The following CDK6 variants were observed in gnomAD, a reference collection of about 807,000 sequenced individuals.
The protein encoded by CDK6 is cyclin-dependent kinase 6.
Under a neutral mutation model 37.1 loss-of-function variants are expected in CDK6, and 6 were observed. The ratio of observed to expected loss-of-function variants is 0.16; its 90% CI spans 0.09 to 0.32. The LOEUF is 0.32. Among genes scored for constraint, CDK6 ranks in the 10% least tolerant of loss-of-function variants. The probability of loss-of-function intolerance (pLI) is 1.00; values close to 1 mark genes in which losing one functional copy is unlikely to be tolerated. For synonymous variants in CDK6, 160 were observed against 161.3 expected (o/e 0.99, Z 0.06); for missense variants, 224 against 418.9 (o/e 0.53, Z 4.06).
intron 5 of CDK6, among the ~76,000 whole-genome samples, chr7:92,623,642 T>C (rs1227593819): frequency 1.3e-5 from 2 of 152,170 alleles, no homozygotes; most frequent in East Asian, 3.8e-4. Context: ...ATCTTAACTC[T>C]GGGCTTTAGA....
chr7:92,619,951 T>C (rs944815814), intron 6 of CDK6, among the ~76,000 whole-genome samples: 3 of 152,262 alleles, frequency 2.0e-5, no homozygotes, highest in South Asian at 2.1e-4. Flanking sequence ...CTGGATACAA[T>C]GGGACAGGGC....
Position 92,834,972 on chromosome 7 carries a change from A to T in CDK6, c.-367-1282T>A, listed in dbSNP as rs548965470. 6.6e-6 allele frequency: 1 copy of T among 152,268 alleles called. No individual in the cohort carries two copies. Among genetic ancestry groups the T allele is most frequent in the Non-Finnish European group, 1.5e-5 (1 of 68,082 alleles). The allele number at this position is 152,268 out of a possible 1,614,324, so 9.4% of individuals were successfully genotyped here. ...CCTCCAGGGCCGCCGCGGCCTCGGCAGGACTTTCACCACGACGGCCGCATG... is the reference window on the plus strand; with the variant it reads ...CCTCCAGGGCCGCCGCGGCCTCGGCTGGACTTTCACCACGACGGCCGCATG... On this transcript the variant is annotated intron_variant, in intron 1 of 7. Coordinates refer to ENST00000424848, the MANE Select transcript of CDK6 (RefSeq NM_001145306.2). The surrounding 1 kb of genome is among the most constrained non-coding windows in gnomAD (Gnocchi z 4.6).
intron 4 of CDK6, among the ~76,000 whole-genome samples, chr7:92,673,449 G>C (rs1423709521): frequency 6.6e-6 from 1 of 152,168 alleles, no homozygotes; most frequent in African/African-American, 2.4e-5. Context: ...AGGGATGGTT[G>C]TGATATAATA....
At chr7:92,790,638 C>T (rs1008528283) in intron 2 of CDK6, among the ~76,000 whole-genome samples, 8 of 152,046 alleles carry the variant, frequency 5.3e-5, no homozygotes, top group African/African-American at 1.2e-4. Context: ...TGTATGTCTG[C>T]GGTATACACA....
chr7:92,646,049 A>G (rs772957279), intron 5 of CDK6, among the ~76,000 whole-genome samples: 3 of 152,228 alleles, frequency 2.0e-5, no homozygotes, highest in African/African-American at 4.8e-5. Flanking sequence ...GAATGAATGC[A>G]CTGCTATTTT....
intron 2 of CDK6, among the ~76,000 whole-genome samples, chr7:92,781,803 TCG>T (rs1328980748): frequency 1.3e-5 from 2 of 152,210 alleles, no homozygotes; most frequent in East Asian, 3.9e-4. Context: ...GTATTTGGAA[TCG>T]AGAAGAATTT....
chr7:92,692,091 A>C (rs964581012), intron 4 of CDK6, among the ~76,000 whole-genome samples: 2 of 152,024 alleles, frequency 1.3e-5, no homozygotes, highest in Non-Finnish European at 2.9e-5. Flanking sequence ...AACATGGGGA[A>C]ACTCCATCTC....
intron 3 of CDK6, among the ~76,000 whole-genome samples, chr7:92,751,592 T>C (rs1799189301): frequency 6.6e-6 from 1 of 152,200 alleles, no homozygotes; most frequent in Admixed American, 6.5e-5. Context: ...TTATTAACTT[T>C]TTGCAAATAA....
In CDK6 at chr7:92,833,517, G is replaced by A; in HGVS notation, c.-194C>T. The A allele has an allele frequency of 3.6e-6, 2 of 563,360 alleles. No homozygotes were observed. The highest frequency in any genetic ancestry group is 6.2e-6 in the Non-Finnish European group (2 of 324,492). 34.9% of individuals were successfully genotyped at this position (563,360 alleles called of 1,614,324 possible). ...GCTGGATGGAGAGACCTCCCCGCGG[G>A]GCTGGCGTAACCCTGGTGCCGCCGC... On this transcript the variant is annotated 5_prime_UTR_variant, in exon 2 of 8. Coordinates refer to ENST00000424848, the MANE Select transcript of CDK6 (RefSeq NM_001145306.2). This position sits in a 1 kb window ranked among gnomAD's most constrained non-coding sequence, Gnocchi z 6.1.
chr7:92,620,743 A>C (rs1360623449), intron 6 of CDK6, among the ~76,000 whole-genome samples: 7 of 152,156 alleles, frequency 4.6e-5, no homozygotes, highest in South Asian at 2.1e-4. Flanking sequence ...CTCCATCTCT[A>C]TAAAAAATAT....
chr7:92,659,851 T>A (rs1319110412), intron 5 of CDK6, among the ~76,000 whole-genome samples: 1 of 152,136 alleles, frequency 6.6e-6, no homozygotes, highest in East Asian at 1.9e-4. Context: ...ATCTTGGACA[T>A]CATCCATTCC....
At chr7:92,772,560 T>C (rs764772732) in intron 3 of CDK6, among the ~76,000 whole-genome samples, 2 of 152,064 alleles carry the variant, frequency 1.3e-5, no homozygotes, top group Non-Finnish European at 2.9e-5. Flanking sequence ...TAACTTTTAA[T>C]GTCACCTTGT....
chr7:92,663,690 G>A (rs1317004396), intron 5 of CDK6, among the ~76,000 whole-genome samples: 1 of 149,974 alleles, frequency 6.7e-6, no homozygotes, highest in Non-Finnish European at 1.5e-5. Context: ...AACAGAGCGA[G>A]ACTCTGTCTC....
rs1795512737 is a variant in CDK6 at position 92,609,428 on chromosome 7, A to AGACTTTTTTTT, written c.*5701_*5711dup. On this transcript the variant is annotated 3_prime_UTR_variant, in exon 8 of 8. Transcript: ENST00000424848. Reference sequence around the variant, plus strand: ...CTAAGTTGTTATGCTCATATACTTCAGACTTTTTTTTTTTAATTAGAGCTT... The same window carrying AGACTTTTTTTT: ...CTAAGTTGTTATGCTCATATACTTCAGACTTTTTTTTGACTTTTTTTTTTTAATTAGAGCTT... 4.3e-6 allele frequency: 1 copy of AGACTTTTTTTT among 229,910 alleles called. No homozygotes were observed. The highest frequency in any genetic ancestry group is 6.2e-5 in the East Asian group (1 of 16,090). The allele number at this position is 229,910 out of a possible 1,614,324, so 14.2% of individuals were successfully genotyped here. A position where few individuals can be genotyped will look rare whatever the true frequency, so the allele number is the denominator to read the frequency against.
chr7:92,747,861 T>C lies in CDK6; in HGVS notation c.370-22068A>G, dbSNP rs192851480. ...ATAAATAAGATATAAAACTAGGTTG[T>C]ATTTCTTTGCTAGGTAGGCTTTCTT... On this transcript the variant is annotated intron_variant, in intron 3 of 7. Transcript: ENST00000424848. Among the ~76,000 whole-genome samples, 5 of 152,324 alleles carry C rather than the reference T, an allele frequency of 3.3e-5. No individual in the cohort carries two copies. In the East Asian group the frequency reaches 7.7e-4, roughly 23 times the overall value.
intron 3 of CDK6, among the ~76,000 whole-genome samples, chr7:92,759,697 CAAAAA>C (rs61188860): frequency 2.7e-5 from 2 of 74,124 alleles, no homozygotes; most frequent in African/African-American, 9.0e-5. Flanking sequence ...GACTTTAAGG[CAAAAA>C]AAAAAAAAAA....
chr7:92,670,358 C>G (rs1445203640), intron 5 of CDK6, among the ~76,000 whole-genome samples: 1 of 152,116 alleles, frequency 6.6e-6, no homozygotes, highest in Non-Finnish European at 1.5e-5. Context: ...TTGTTACATG[C>G]ACAAAACTTT....
Position 92,719,796 on chromosome 7 carries a change from G to A in CDK6, c.537+5830C>T, listed in dbSNP as rs561787774. ...TTAGGGTACACTTCTCTCTACCCAC[G>A]GATGGCTTTATGATGGCTGTCCTGG... On this transcript the variant is annotated intron_variant, in intron 4 of 7. Coordinates refer to ENST00000424848, the MANE Select transcript of CDK6 (RefSeq NM_001145306.2). Among the ~76,000 whole-genome samples, 27 of 152,240 alleles carry A rather than the reference G, an allele frequency of 1.8e-4. No homozygotes were observed. In the South Asian group the frequency reaches 5.0e-3, roughly 28 times the overall value.
intron 2 of CDK6, among the ~76,000 whole-genome samples, chr7:92,790,879 T>C (rs1465655353): frequency 6.6e-6 from 1 of 152,138 alleles, no homozygotes; most frequent in African/African-American, 2.4e-5. Context: ...AAAGAAAGTG[T>C]GAGCAGGAGC....
Sources: gnomAD v4.1 joint callset for allele counts (sites outside exome capture counted in the v4.1 genomes callset) on GRCh38, gnomAD v4.1.1 for gene constraint, Gnocchi (gnomAD v3.1) non-coding constraint, MANE v1.5 for transcripts, NCBI Gene and HGNC (gene_info 2026-07-23, HGNC 2026-07-21) for gene names.